The following LIPI variants were observed in gnomAD, a reference collection of about 807,000 sequenced individuals.
LIPI encodes lipase member I.
LIPI carries 59 observed loss-of-function variants against 50.6 expected under a neutral mutation model. The observed-to-expected ratio is 1.16, with a 90% confidence interval of 0.94 to 1.45. The LOEUF (loss-of-function observed/expected upper bound fraction) is 1.45. Ranked by LOEUF, LIPI falls within the 40% of genes most tolerant of loss-of-function variation. LIPI has a pLI of 0.00. For synonymous variants in LIPI, 203 were observed against 178.2 expected (o/e 1.14, Z -1.11); for missense variants, 586 against 536.3 (o/e 1.09, Z -0.92).
chr21:14,204,694 T>C (rs1468395688), intron 1 of LIPI, among the ~76,000 whole-genome samples: 2 of 151,962 alleles, frequency 1.3e-5, no homozygotes, highest in Non-Finnish European at 2.9e-5. Flanking sequence ...ATAATAATTA[T>C]GGCAATTAAA....
At chr21:14,187,591 G>A (rs943247056) in intron 2 of LIPI, among the ~76,000 whole-genome samples, 9 of 152,122 alleles carry the variant, frequency 5.9e-5, no homozygotes, top group African/African-American at 2.2e-4. Flanking sequence ...CACACTTTGA[G>A]GCACATATTT....
chr21:14,137,677 G>T (rs1242623880), intron 9 of LIPI, among the ~76,000 whole-genome samples: 1 of 151,996 alleles, frequency 6.6e-6, no homozygotes, highest in Non-Finnish European at 1.5e-5. Flanking sequence ...TTATTCAAAG[G>T]GATAATAACT....
chr21:14,163,630 T>A (rs2018573166), intron 6 of LIPI, 107 bp from the exon 7 acceptor site: 3 of 682,630 alleles, frequency 4.4e-6, no homozygotes, highest in Non-Finnish European at 8.1e-6. Flanking sequence ...ATCATAATGA[T>A]CATCATGGAT....
At chr21:14,207,863 G>T (rs2020266760) in intron 1 of LIPI, among the ~76,000 whole-genome samples, 1 of 152,146 alleles carries the variant, frequency 6.6e-6, no homozygotes, top group African/African-American at 2.4e-5. Context: ...CAACATTTAT[G>T]TTACCTTCTT....
Sources: allele counts gnomAD v4.1 joint callset (sites outside exome capture counted in the v4.1 genomes callset), GRCh38; gene constraint gnomAD v4.1.1; transcripts MANE v1.5; gene names NCBI Gene and HGNC (gene_info 2026-07-23, HGNC 2026-07-21).